TRIM2: variants seen among roughly 807,000 people sequenced by gnomAD.
TRIM2 encodes the protein tripartite motif containing 2.
TRIM2 carries 20 observed loss-of-function variants against 75.2 expected under a neutral mutation model. The ratio of observed to expected loss-of-function variants is 0.27; its 90% CI spans 0.19 to 0.39. The LOEUF (loss-of-function observed/expected upper bound fraction) is 0.39, where lower values mean the gene tolerates loss of function less well. TRIM2 is among the 10% of genes least tolerant of loss of function. The probability of loss-of-function intolerance (pLI) is 1.00; values close to 1 mark genes in which losing one functional copy is unlikely to be tolerated. For missense variants in TRIM2, 660 were observed against 990.8 expected (o/e 0.67, Z 4.48); for synonymous variants, 373 against 388.3 (o/e 0.96, Z 0.46).
At chr4:153,229,829 C>T (rs1743136843) in intron 1 of TRIM2, among the ~76,000 whole-genome samples, 1 of 152,204 alleles carries the variant, frequency 6.6e-6, no homozygotes, top group Non-Finnish European at 1.5e-5. Context: ...AAAACTAAAT[C>T]TCGATAGAAC....
At chr4:153,287,024 G>A (rs1479095572) in intron 3 of TRIM2, among the ~76,000 whole-genome samples, 1 of 151,182 alleles carries the variant, frequency 6.6e-6, no homozygotes, top group Non-Finnish European at 1.5e-5. Context: ...TGTTTCCCAG[G>A]CTGGAGTACA....
At chr4:153,259,456 T>A (rs949406998) in intron 1 of TRIM2, among the ~76,000 whole-genome samples, 1 of 152,198 alleles carries the variant, frequency 6.6e-6, no homozygotes, top group Non-Finnish European at 1.5e-5. Context: ...TTGTGCCTCT[T>A]TTAATTATTT....
chr4:153,167,394 C>A (rs1292860642), intron 1 of TRIM2, among the ~76,000 whole-genome samples: 9 of 152,090 alleles, frequency 5.9e-5, no homozygotes, highest in Admixed American at 5.2e-4. Context: ...AGTCTCTAAA[C>A]AAATAACCCA....
chr4:153,302,555 C>T lies in TRIM2; in HGVS notation c.1510+6519C>T, dbSNP rs73854646. On this transcript the variant is annotated intron_variant, in intron 6 of 11. Transcript: ENST00000338700. Reference sequence around the variant, plus strand: ...AGGTTGGCAGGCAGAATTGGTATCCCAGGCAAAGGGACCAGTGTGAAGAAG... The same window carrying T: ...AGGTTGGCAGGCAGAATTGGTATCCTAGGCAAAGGGACCAGTGTGAAGAAG... 5.2e-3 allele frequency among the ~76,000 whole-genome samples: 790 copies of T among 152,284 alleles called. 11 individuals carry two copies. The highest frequency in any genetic ancestry group is 0.018 in the African/African-American group (755 of 41,550).
At chr4:153,244,361 T>TCC (rs1560874409) in intron 1 of TRIM2, among the ~76,000 whole-genome samples, 1 of 26,972 alleles carries the variant, frequency 3.7e-5, no homozygotes, top group Non-Finnish European at 5.8e-5. Context: ...CTTCCTCTTC[T>TCC]TCTTCTTCTT....
intron 6 of TRIM2, among the ~76,000 whole-genome samples, chr4:153,312,727 A>G (rs2149516005): frequency 6.6e-6 from 1 of 152,270 alleles, no homozygotes; most frequent in South Asian, 2.1e-4. Flanking sequence ...AAAGGACTAT[A>G]AATCGTGCTG....
At chr4:153,287,800 G>A (rs1455410525) in intron 3 of TRIM2, among the ~76,000 whole-genome samples, 1 of 152,180 alleles carries the variant, frequency 6.6e-6, no homozygotes, top group East Asian at 1.9e-4. Context: ...TCATGTAGGA[G>A]TTAGAAAACT....
intron 11 of TRIM2, among the ~76,000 whole-genome samples, chr4:153,333,246 T>C (rs1172401029): frequency 6.6e-6 from 1 of 152,206 alleles, no homozygotes; most frequent in Non-Finnish European, 1.5e-5. Flanking sequence ...ATGATTCTAT[T>C]TGTGTACCAT....
At position 153,225,740 on chromosome 4, in the gene TRIM2, T is replaced by C. The variant is rs191451850; in HGVS notation, c.30+21180T>C. ...CTATTTACTAGACACTCAGCTTTTA[T>C]GTATGGTTAGAGGGTTTACTGGAAA... On this transcript the variant is annotated intron_variant, in intron 1 of 11. Transcript: ENST00000338700. Among the ~76,000 whole-genome samples, 716 of 152,346 alleles carry C rather than the reference T, an allele frequency of 4.7e-3. 6 individuals carry two copies. Among genetic ancestry groups the C allele is most frequent in the East Asian group, 0.027 (142 of 5,188 alleles).
chr4:153,317,062 A>G (rs1767803286), intron 8 of TRIM2, among the ~76,000 whole-genome samples: 2 of 150,804 alleles, frequency 1.3e-5, no homozygotes, highest in Non-Finnish European at 3.0e-5. Context: ...TTGCATTTTT[A>G]GTAGAGACGG....
intron 1 of TRIM2, among the ~76,000 whole-genome samples, chr4:153,221,560 C>T (rs946134505): frequency 6.6e-6 from 1 of 152,120 alleles, no homozygotes; most frequent in Non-Finnish European, 1.5e-5. Context: ...AATTGTAGGT[C>T]GTCCCTCCCC....
chr4:153,280,628 C>G (rs116816042), intron 3 of TRIM2, among the ~76,000 whole-genome samples: 2,756 of 152,100 alleles, frequency 0.018, 75 homozygotes, highest in African/African-American at 0.063. Flanking sequence ...ATCCTCCCAT[C>G]TGGACCTCCC....
At chr4:153,320,005 G>C (rs1178261596) in intron 8 of TRIM2, among the ~76,000 whole-genome samples, 1 of 152,138 alleles carries the variant, frequency 6.6e-6, no homozygotes, top group Non-Finnish European at 1.5e-5. Context: ...TTATTTGGTT[G>C]AGTCATCTAA....
intron 2 of TRIM2, among the ~76,000 whole-genome samples, chr4:153,272,115 T>G (rs978078430): frequency 6.6e-6 from 1 of 151,724 alleles, no homozygotes; most frequent in African/African-American, 2.4e-5. Flanking sequence ...TGTTCCAGCC[T>G]CATGCATGTT....
At chr4:153,264,448 A>C (rs747714066) in intron 1 of TRIM2, among the ~76,000 whole-genome samples, 1 of 152,212 alleles carries the variant, frequency 6.6e-6, no homozygotes, top group Non-Finnish European at 1.5e-5. Flanking sequence ...GCTCTCCAGC[A>C]TATAGAAGAG....
intron 10 of TRIM2, 150 bp downstream of exon 10, chr4:153,324,298 T>G (rs1769663374): frequency 1.7e-6 from 1 of 573,002 alleles, no homozygotes; most frequent in African/African-American, 2.0e-5. Context: ...CGGTTTTAAC[T>G]TGGACTTACA....
At chr4:153,276,897 A>G (rs1431458632) in intron 3 of TRIM2, among the ~76,000 whole-genome samples, 1 of 152,264 alleles carries the variant, frequency 6.6e-6, no homozygotes, top group African/African-American at 2.4e-5. Context: ...GGAAGAATTA[A>G]ATGTTCAAGT....
chr4:153,313,472 C>G (rs1482373246), intron 6 of TRIM2, among the ~76,000 whole-genome samples: 1 of 152,016 alleles, frequency 6.6e-6, no homozygotes, highest in Non-Finnish European at 1.5e-5. Flanking sequence ...TAATCCATCA[C>G]CAATTTCAAT....
intron 3 of TRIM2, among the ~76,000 whole-genome samples, chr4:153,278,042 G>A (rs1758412037): frequency 1.3e-5 from 2 of 152,140 alleles, no homozygotes; most frequent in African/African-American, 4.8e-5. Context: ...CTCTGGAGAC[G>A]TGACTTGATA....
Sources: gnomAD v4.1 joint callset for allele counts (sites outside exome capture counted in the v4.1 genomes callset) on GRCh38, gnomAD v4.1.1 for gene constraint, MANE v1.5 for transcripts, NCBI Gene and HGNC (gene_info 2026-07-23, HGNC 2026-07-21) for gene names.